Variants in SIRT4 observed in about 807,000 individuals in gnomAD.
The protein encoded by SIRT4 is sirtuin 4, also known as NAD-dependent protein lipoamidase sirtuin-4, mitochondrial.
A neutral mutation model predicts 26.1 loss-of-function variants in SIRT4; 23 were observed. The ratio of observed to expected loss-of-function variants is 0.88; its 90% CI spans 0.63 to 1.25. The LOEUF is 1.25. SIRT4 is among the 50% of genes most tolerant of loss of function. SIRT4 has a pLI of 0.00. For synonymous variants in SIRT4, 155 were observed against 158.4 expected (o/e 0.98, Z 0.16); for missense variants, 361 against 405.4 (o/e 0.89, Z 0.94).
Position 120,309,413 on chromosome 12 carries a change from C to CT in SIRT4, c.498-3027dup, listed in dbSNP as rs1217829590. Among the ~76,000 whole-genome samples, 1,327 of 135,606 alleles carry CT rather than the reference C, an allele frequency of 9.8e-3. 14 individuals carry two copies. Among genetic ancestry groups the CT allele is most frequent in the African/African-American group, 0.02 (726 of 36,946 alleles). The allele number at this position is 135,606 out of a possible 152,430, so 89.0% of individuals were successfully genotyped here. ...TTTCACAGGGGCCTTTTTTTCTTTT[C>CT]TTTTTTTTTTTTTTTTGAGACAGAG... On this transcript the variant is annotated intron_variant, in intron 2 of 3. Transcript: ENST00000202967.
intron 1 of SIRT4, among the ~76,000 whole-genome samples, chr12:120,302,632 TA>T (rs1474648666): frequency 6.6e-6 from 1 of 152,076 alleles, no homozygotes; most frequent in Non-Finnish European, 1.5e-5. Context: ...AAGCCAAACA[TA>T]AAATAATGTT....
the SIRT4 span, among the ~76,000 whole-genome samples, chr12:120,292,266 G>A: frequency 1.3e-5 from 2 of 152,270 alleles, no homozygotes; most frequent in East Asian, 1.9e-4. Context: ...GCAGGGTGGG[G>A]GGAGTTGGGA....
Position 120,303,629 on chromosome 12 carries a change from C to T in SIRT4, c.68C>T (p.Pro23Leu), listed in dbSNP as rs200695003. 10 of 1,614,124 alleles carry T rather than the reference C, an allele frequency of 6.2e-6. No homozygotes were observed. In the East Asian group the frequency reaches 6.7e-5, roughly 11 times the overall value. ...CGTTGGATCGCAAACCCCAGCCAGCCGTGCTCGAAAGCCTCCATTGGGTTA... is the reference window on the plus strand; with the variant it reads ...CGTTGGATCGCAAACCCCAGCCAGCTGTGCTCGAAAGCCTCCATTGGGTTA... ...KGRWIANPSQ[P>L]CSKASIGLFV... The change falls in exon 2 of 4, where the codon CCG (proline) becomes CTG (leucine). Residue 23 changes from proline to leucine, a missense_variant. Pro to Leu is a moderately conservative substitution (Grantham distance 98). Coordinates refer to ENST00000202967, the MANE Select transcript of SIRT4 (RefSeq NM_012240.3).
chr12:120,294,462 G>T, the SIRT4 span, among the ~76,000 whole-genome samples: 1 of 152,184 alleles, frequency 6.6e-6, no homozygotes, highest in South Asian at 2.1e-4. Context: ...TCACCATGTT[G>T]GTCAGGCTGG....
At chr12:120,299,860 T>G (rs1233992364), upstream of SIRT4, among the ~76,000 whole-genome samples, 1 of 152,118 alleles carries the variant, frequency 6.6e-6, no homozygotes, top group Non-Finnish European at 1.5e-5. Context: ...TCATTTATCT[T>G]TTAATGAATA....
At chr12:120,307,735 A>C (rs1369696366) in intron 2 of SIRT4, among the ~76,000 whole-genome samples, 1 of 151,916 alleles carries the variant, frequency 6.6e-6, no homozygotes, top group African/African-American at 2.4e-5. Context: ...GTGCATGCCT[A>C]TAATCCCAGC....
Position 120,312,967 on chromosome 12 carries a change from G to C in SIRT4, c.876G>C (p.Ser292=), listed in dbSNP as rs746858573. Residue 292 remains serine, a synonymous_variant, in exon 4 of 4, where the codon TCG becomes TCC. Transcript: ENST00000202967. ...TACTGAACATTGGGCCCACACGGTC[G>C]GATGACTTGGCGTGTCTGAAACTGA... The part of the protein sequence containing the change: ...IAILNIGPTR[S]DDLACLKLNS... 2 of 1,614,146 alleles carry C rather than the reference G, an allele frequency of 1.2e-6. No homozygotes were observed. The highest frequency in any genetic ancestry group is 1.7e-6 in the Non-Finnish European group (2 of 1,180,036).
the SIRT4 span, among the ~76,000 whole-genome samples, chr12:120,292,879 C>T: frequency 3.3e-5 from 5 of 152,170 alleles, no homozygotes; most frequent in African/African-American, 7.2e-5. Context: ...CCTGCTTTTA[C>T]CTTAAAAGTA....
chr12:120,305,960 C>T (rs1264602676), intron 2 of SIRT4, among the ~76,000 whole-genome samples: 1 of 148,628 alleles, frequency 6.7e-6, no homozygotes. Flanking sequence ...TGTGGTGAGC[C>T]GAGATCGCGC....
upstream of SIRT4, among the ~76,000 whole-genome samples, chr12:120,300,996 A>G (rs1273222361): frequency 6.6e-6 from 1 of 152,210 alleles, no homozygotes; most frequent in African/African-American, 2.4e-5. Flanking sequence ...GGAGAAGCCA[A>G]GCAGGTTAAG....
the SIRT4 span, among the ~76,000 whole-genome samples, chr12:120,292,182 G>C: frequency 6.6e-6 from 1 of 152,198 alleles, no homozygotes; most frequent in East Asian, 1.9e-4. Flanking sequence ...TTTTGAGCGA[G>C]GAGAGTGAGC....
the SIRT4 span, among the ~76,000 whole-genome samples, chr12:120,296,225 T>G: frequency 1.4e-5 from 2 of 145,846 alleles, no homozygotes; most frequent in African/African-American, 5.3e-5. Context: ...AAAATGACAT[T>G]TTTTTTTTTT....
the SIRT4 span, among the ~76,000 whole-genome samples, chr12:120,294,901 CATGCAACCTCCGCCTCTGGGGTT>C: frequency 6.6e-6 from 1 of 151,194 alleles, no homozygotes; most frequent in Non-Finnish European, 1.5e-5. Flanking sequence ...AATCTCAGCC[CATGCAACCTCCGCCTCTGGGGTT>C]CAAGCAGTTC....
rs201511805 is a variant in SIRT4, at chr12:120,313,048, T to C, written c.*12T>C. 19 of 1,613,930 alleles carry C rather than the reference T, an allele frequency of 1.2e-5. No homozygotes were observed. Among genetic ancestry groups the C allele is most frequent in the Non-Finnish European group, 1.6e-5 (19 of 1,180,008 alleles). ...TAGACCCATGCTGACCACAGCCTGA[T>C]ATTCCAGAACCTGGAACAGGGACTT... On this transcript the variant is annotated 3_prime_UTR_variant, in exon 4 of 4. Coordinates refer to ENST00000202967, the MANE Select transcript of SIRT4 (RefSeq NM_012240.3).
upstream of SIRT4, among the ~76,000 whole-genome samples, chr12:120,302,039 A>C (rs1872567786): frequency 6.6e-6 from 1 of 151,856 alleles, no homozygotes; most frequent in South Asian, 2.1e-4. Flanking sequence ...TTTTCAAAAA[A>C]AAAAAACAAC....
upstream of SIRT4, among the ~76,000 whole-genome samples, chr12:120,298,052 C>T (rs1049799835): frequency 2.6e-5 from 4 of 151,430 alleles, 1 homozygote; most frequent in African/African-American, 7.3e-5. Flanking sequence ...AGGGGGTGGC[C>T]GGGCGCAGTG....
At chr12:120,305,400 G>A (rs748377510) in intron 2 of SIRT4, among the ~76,000 whole-genome samples, 61 of 151,866 alleles carry the variant, frequency 4.0e-4, no homozygotes, top group African/African-American at 1.3e-3. Context: ...ACAGGCAAAC[G>A]CCACCGTGCC....
intron 2 of SIRT4, among the ~76,000 whole-genome samples, chr12:120,310,994 CA>C (rs1872940913): frequency 7.0e-6 from 1 of 142,858 alleles, no homozygotes. Flanking sequence ...CTCGGCCTCC[CA>C]AAGTGTTGGG....
chr12:120,291,807 A>AT, the SIRT4 span: 1 of 152,180 alleles, frequency 6.6e-6, no homozygotes, highest in African/African-American at 2.4e-5. Context: ...ACTATATTTC[A>AT]AGTCGTCATG....
Sources: gnomAD v4.1 joint callset for allele counts (sites outside exome capture counted in the v4.1 genomes callset) on GRCh38, gnomAD v4.1.1 for gene constraint, MANE v1.5 for transcripts, NCBI Gene and HGNC (gene_info 2026-07-23, HGNC 2026-07-21) for gene names.